Variants in SUGCT observed in about 807,000 individuals in gnomAD.
SUGCT encodes the protein succinyl-CoA:glutarate-CoA transferase.
Under a neutral mutation model 55.0 loss-of-function variants are expected in SUGCT, and 41 were observed. The observed-to-expected ratio is 0.74, with a 90% CI of 0.58 to 0.97. SUGCT has a LOEUF of 0.97. Among genes scored for constraint, SUGCT ranks in the 50% least tolerant of loss-of-function variants. SUGCT has a pLI of 0.00. For synonymous variants in SUGCT, 187 were observed against 200.4 expected, an observed-to-expected ratio of 0.93 and a Z score of 0.56; for missense variants, 568 against 547.8, an observed-to-expected ratio of 1.04 and a Z score of -0.37.
chr7:40,885,814 A>G, the SUGCT span, among the ~76,000 whole-genome samples: 1 of 152,202 alleles, frequency 6.6e-6, no homozygotes, highest in Admixed American at 6.5e-5. Flanking sequence ...CCAAAGGGCA[A>G]TCTGACTTGT....
At chr7:40,467,900 A>G (rs2151464007) in intron 11 of SUGCT, among the ~76,000 whole-genome samples, 1 of 152,156 alleles carries the variant, frequency 6.6e-6, no homozygotes, top group Admixed American at 6.5e-5. Flanking sequence ...AATAGCTCAT[A>G]GGACTTAGGA....
chr7:40,443,160 G>T (rs1488607298), intron 9 of SUGCT, among the ~76,000 whole-genome samples: 1 of 152,130 alleles, frequency 6.6e-6, no homozygotes, highest in Non-Finnish European at 1.5e-5. Context: ...CTTTGCTATT[G>T]TGAATAGTGC....
chr7:40,567,976 G>C (rs1340003157), intron 12 of SUGCT, among the ~76,000 whole-genome samples: 1 of 152,178 alleles, frequency 6.6e-6, no homozygotes, highest in Non-Finnish European at 1.5e-5. Flanking sequence ...GGGCTTATTA[G>C]ACTTTGTCAT....
intron 13 of SUGCT, among the ~76,000 whole-genome samples, chr7:40,840,753 T>C (rs1020615576): frequency 6.6e-6 from 1 of 151,396 alleles, no homozygotes; most frequent in Non-Finnish European, 1.5e-5. Context: ...ATAGAATCAA[T>C]GAAACAAAAG....
intron 6 of SUGCT, among the ~76,000 whole-genome samples, chr7:40,216,228 G>A (rs1436427371): frequency 2.0e-5 from 3 of 151,866 alleles, no homozygotes; most frequent in South Asian, 2.1e-4. Context: ...GGGGCTGGGC[G>A]TGGTAGCTCA....
chr7:40,845,286 A>G (rs1426786411), intron 13 of SUGCT, among the ~76,000 whole-genome samples: 1 of 152,152 alleles, frequency 6.6e-6, no homozygotes, highest in Non-Finnish European at 1.5e-5. Context: ...GGAAAAGGGG[A>G]AGGTCCAACA....
intron 12 of SUGCT, among the ~76,000 whole-genome samples, chr7:40,728,825 A>G (rs1786737407): frequency 6.6e-6 from 1 of 152,236 alleles, no homozygotes; most frequent in Admixed American, 6.5e-5. Context: ...ATCTTGATGA[A>G]GAAGACTTTA....
chr7:40,850,667 AATAT>A (rs1793805183), intron 13 of SUGCT, among the ~76,000 whole-genome samples: 2 of 152,146 alleles, frequency 1.3e-5, no homozygotes, highest in South Asian at 4.1e-4. Context: ...AAGCAAAATA[AATAT>A]TTGAAAAGTG....
At chr7:40,660,770 G>A (rs933175019) in intron 12 of SUGCT, among the ~76,000 whole-genome samples, 3 of 152,138 alleles carry the variant, frequency 2.0e-5, no homozygotes, top group East Asian at 1.9e-4. Context: ...GACTTCCTCT[G>A]TTTACCTCAC....
At chr7:40,975,974 G>A in the SUGCT span, among the ~76,000 whole-genome samples, 3 of 152,130 alleles carry the variant, frequency 2.0e-5, no homozygotes, top group Non-Finnish European at 4.4e-5. Context: ...GACCACGTCT[G>A]TGTCATCTAG....
At chr7:40,345,814 A>G (rs1391074132) in intron 9 of SUGCT, among the ~76,000 whole-genome samples, 1 of 152,050 alleles carries the variant, frequency 6.6e-6, no homozygotes, top group African/African-American at 2.4e-5. Flanking sequence ...TCCAAGGATT[A>G]CCTATTAGTT....
chr7:40,333,648 AAAAAAAAAAAAAAAAAAAAAATAT>A (rs1168381780), intron 9 of SUGCT, among the ~76,000 whole-genome samples: 4 of 49,040 alleles, frequency 8.2e-5, no homozygotes, highest in Admixed American at 2.8e-4. Flanking sequence ...AAAAAAAAAA[AAAAAAAAAAAAAAAAAAAAAATAT>A]ATATATATAT....
intron 12 of SUGCT, among the ~76,000 whole-genome samples, chr7:40,703,679 C>G (rs890963963): frequency 6.6e-6 from 1 of 152,188 alleles, no homozygotes; most frequent in Non-Finnish European, 1.5e-5. Flanking sequence ...AGTTTCTATA[C>G]TTATAATCCC....
At chr7:40,262,890 ACT>A (rs1391137355) in intron 7 of SUGCT, among the ~76,000 whole-genome samples, 6 of 152,052 alleles carry the variant, frequency 3.9e-5, no homozygotes, top group Non-Finnish European at 8.8e-5. Context: ...TGTATCATTT[ACT>A]CTCTGTGACT....
At chr7:40,604,293 T>G (rs1798424162) in intron 12 of SUGCT, among the ~76,000 whole-genome samples, 1 of 152,224 alleles carries the variant, frequency 6.6e-6, no homozygotes, top group Non-Finnish European at 1.5e-5. Flanking sequence ...CTTGCTTTTC[T>G]CAGAAAAAGC....
the SUGCT span, among the ~76,000 whole-genome samples, chr7:40,938,624 A>G: frequency 6.6e-6 from 1 of 152,100 alleles, no homozygotes; most frequent in Non-Finnish European, 1.5e-5. Context: ...ATTGTACCCA[A>G]TATCTATTAC....
chr7:40,421,565 C>A (rs1020644175), intron 9 of SUGCT, among the ~76,000 whole-genome samples: 6 of 152,156 alleles, frequency 3.9e-5, no homozygotes, highest in African/African-American at 1.4e-4. Context: ...TTATTAATTA[C>A]CTACTTTGTG....
chr7:40,143,853 G>A (rs1788109935), intron 1 of SUGCT, among the ~76,000 whole-genome samples: 1 of 152,162 alleles, frequency 6.6e-6, no homozygotes, highest in African/African-American at 2.4e-5. Context: ...CCATAAAACT[G>A]GCTTAAAGAA....
chr7:40,138,783 A>G (rs770299206), intron 1 of SUGCT, among the ~76,000 whole-genome samples: 68 of 152,266 alleles, frequency 4.5e-4, no homozygotes, highest in Admixed American at 3.3e-4. Context: ...AATTTTACTC[A>G]TGGCAGTACA....
Sources: allele counts gnomAD v4.1 joint callset (sites outside exome capture counted in the v4.1 genomes callset), GRCh38; gene constraint gnomAD v4.1.1; transcripts MANE v1.5; gene names NCBI Gene and HGNC (gene_info 2026-07-23, HGNC 2026-07-21).